The following RALYL variants were observed in gnomAD, a reference collection of about 807,000 sequenced individuals.
RALYL encodes the protein RNA-binding Raly-like protein.
Under a neutral mutation model 35.1 loss-of-function variants are expected in RALYL, and 29 were observed. The ratio of observed to expected loss-of-function variants is 0.83; its 90% confidence interval spans 0.61 to 1.13. The LOEUF (loss-of-function observed/expected upper bound fraction) is 1.13, where lower values mean the gene tolerates loss of function less well. Among genes scored for constraint, RALYL ranks in the 50% most tolerant of loss-of-function variants. The pLI, the probability that RALYL is intolerant of heterozygous loss-of-function variation, is 0.00. For synonymous variants in RALYL, 120 were observed against 127.6 expected (o/e 0.94, Z 0.40); for missense variants, 359 against 360.4 (o/e 1.00, Z 0.03).
chr8:84,495,101 T>C (rs1238060052), intron 1 of RALYL, among the ~76,000 whole-genome samples: 4 of 152,088 alleles, frequency 2.6e-5, no homozygotes, highest in Admixed American at 6.6e-5. Context: ...GAGTTTTTAA[T>C]GTGAAGGGAT....
At chr8:84,226,656 A>G (rs1013837551) in intron 1 of RALYL, among the ~76,000 whole-genome samples, 1 of 152,212 alleles carries the variant, frequency 6.6e-6, no homozygotes, top group African/African-American at 2.4e-5. Context: ...TACCCTTTCA[A>G]TTGTACTTAG....
At chr8:84,554,772 A>G (rs906642884) in intron 2 of RALYL, among the ~76,000 whole-genome samples, 2 of 152,218 alleles carry the variant, frequency 1.3e-5, no homozygotes, top group Non-Finnish European at 2.9e-5. Flanking sequence ...TAGGACGAAT[A>G]ATACTATATA....
intron 1 of RALYL, among the ~76,000 whole-genome samples, chr8:84,220,501 C>T (rs955034321): frequency 1.5e-4 from 23 of 151,806 alleles, no homozygotes; most frequent in African/African-American, 5.6e-4. Context: ...TGACATAGGG[C>T]TCATGGTTTT....
At chr8:84,505,742 C>T (rs1325042283) in intron 1 of RALYL, among the ~76,000 whole-genome samples, 1 of 151,990 alleles carries the variant, frequency 6.6e-6, no homozygotes, top group East Asian at 1.9e-4. Flanking sequence ...TGTGATTAGA[C>T]ATATTTTTAA....
At chr8:84,459,560 C>A (rs2050511333) in intron 1 of RALYL, among the ~76,000 whole-genome samples, 1 of 151,654 alleles carries the variant, frequency 6.6e-6, no homozygotes, top group Non-Finnish European at 1.5e-5. Flanking sequence ...AGTACCAACA[C>A]CAGTATATGT....
chr8:84,578,112 CA>C (rs1205480980), intron 2 of RALYL, among the ~76,000 whole-genome samples: 1 of 152,218 alleles, frequency 6.6e-6, no homozygotes, highest in Non-Finnish European at 1.5e-5. Flanking sequence ...CACAGAGTGG[CA>C]AGGGGTGCAT....
At chr8:84,908,880 G>A (rs10095636) in intron 8 of RALYL, among the ~76,000 whole-genome samples, 55,229 of 149,398 alleles carry the variant, frequency 0.37, 11,400 homozygotes, top group East Asian at 0.61. Context: ...TTTTTTTTGC[G>A]CAACTTTCTA....
In RALYL at chr8:84,468,480, CT is replaced by C. The variant is rs1041279718; in HGVS notation, c.-23-60817del. ...AATGTTGAACATTGGCCCCCACTCT[CT>C]TCTGGCTTGTAGGGTTTCTGCCGAG... On this transcript the variant is annotated intron_variant, in intron 1 of 8. Coordinates refer to ENST00000521268, the MANE Select transcript of RALYL (RefSeq NM_173848.7). 4.4e-4 allele frequency among the ~76,000 whole-genome samples: 66 copies of C among 149,186 alleles called. 1 individual carries two copies. The highest frequency in any genetic ancestry group is 9.0e-4 in the Non-Finnish European group (60 of 66,874).
chr8:84,430,619 T>C (rs317944), intron 1 of RALYL, among the ~76,000 whole-genome samples: 9,094 of 152,090 alleles, frequency 0.06, 310 homozygotes, highest in Middle Eastern at 0.099. Context: ...CTGGAAAAAA[T>C]CATGTTTTTT....
chr8:84,804,086 A>AAATT lies in RALYL; in HGVS notation c.333-682_333-679dup, dbSNP rs1278070572. Reference sequence around the variant, plus strand: ...AAAAAAAATGGAAAGTTAATTTATGAAATTAGAAAAGTAGCTGAAAGTAAG... The same window carrying AAATT: ...AAAAAAAATGGAAAGTTAATTTATGAAATTAATTAGAAAAGTAGCTGAAAGTAAG... On this transcript the variant is annotated intron_variant, in intron 3 of 8. Transcript: ENST00000521268. Among the ~76,000 whole-genome samples, 6 of 152,224 alleles carry AAATT rather than the reference A, an allele frequency of 3.9e-5. No individual in the cohort carries two copies. In the South Asian group the frequency reaches 1.0e-3, roughly 26 times the overall value.
chr8:84,620,954 C>T (rs575181810), intron 2 of RALYL, among the ~76,000 whole-genome samples: 3 of 152,096 alleles, frequency 2.0e-5, no homozygotes, highest in East Asian at 3.9e-4. Context: ...TGCCCGTTCT[C>T]AGATCTCCAG....
In RALYL at chr8:84,606,995, GGT is replaced by G. The variant is rs746207683; in HGVS notation, c.256+77433_256+77434del. ...AATAATGCTGTCCTTCTAGAAGTGG[GGT>G]GTGTGTGTGTGTGTTTGTTTAAAGA... On this transcript the variant is annotated intron_variant, in intron 2 of 8. Transcript: ENST00000521268. 2.7e-3 allele frequency among the ~76,000 whole-genome samples: 411 copies of G among 150,974 alleles called. 2 individuals carry two copies. Among genetic ancestry groups the G allele is most frequent in the African/African-American group, 9.5e-3 (392 of 41,250 alleles).
intron 2 of RALYL, among the ~76,000 whole-genome samples, chr8:84,742,283 T>A (rs1489086437): frequency 6.6e-6 from 1 of 151,956 alleles, no homozygotes; most frequent in African/African-American, 2.4e-5. Flanking sequence ...AGTGTTCAGA[T>A]AAAATAGTGT....
At chr8:84,490,181 CAAAATTTA>C (rs2055121584) in intron 1 of RALYL, among the ~76,000 whole-genome samples, 1 of 151,106 alleles carries the variant, frequency 6.6e-6, no homozygotes, top group African/African-American at 2.4e-5. Context: ...TGAGCTTTGG[CAAAATTTA>C]TTAATTTATG....
intron 2 of RALYL, among the ~76,000 whole-genome samples, chr8:84,743,986 G>C (rs1173248814): frequency 1.3e-5 from 2 of 151,908 alleles, no homozygotes; most frequent in Non-Finnish European, 2.9e-5. Flanking sequence ...GTTTCAGTTT[G>C]GGAAAATGAA....
chr8:84,407,048 T>C (rs202003301), intron 1 of RALYL, among the ~76,000 whole-genome samples: 1 of 140,060 alleles, frequency 7.1e-6, no homozygotes, highest in Non-Finnish European at 1.6e-5. Flanking sequence ...ACACACACAC[T>C]CACACACACA....
intron 1 of RALYL, among the ~76,000 whole-genome samples, chr8:84,189,185 A>G (rs1020057429): frequency 1.3e-5 from 2 of 152,192 alleles, no homozygotes; most frequent in African/African-American, 2.4e-5. Flanking sequence ...GAAGTCTTGC[A>G]CTGGTCTTCT....
At chr8:84,554,155 A>T (rs75101592) in intron 2 of RALYL, among the ~76,000 whole-genome samples, 1 of 152,228 alleles carries the variant, frequency 6.6e-6, no homozygotes, top group African/African-American at 2.4e-5. Context: ...TCCTAAAAAA[A>T]TTAAGTAATC....
intron 1 of RALYL, among the ~76,000 whole-genome samples, chr8:84,393,471 A>G (rs1307432842): frequency 2.0e-5 from 3 of 152,082 alleles, no homozygotes; most frequent in African/African-American, 7.2e-5. Context: ...TCACAGAAGT[A>G]CATCCCTTCA....
Sources: allele counts gnomAD v4.1 joint callset (sites outside exome capture counted in the v4.1 genomes callset), GRCh38; gene constraint gnomAD v4.1.1; transcripts MANE v1.5; gene names NCBI Gene and HGNC (gene_info 2026-07-23, HGNC 2026-07-21).